DPYS: variants seen among roughly 807,000 people sequenced by gnomAD.
The protein encoded by DPYS is dihydropyrimidinase.
DPYS carries 39 observed loss-of-function variants against 50.3 expected under a neutral mutation model. The ratio of observed to expected loss-of-function variants is 0.78; its 90% CI spans 0.60 to 1.01. The LOEUF (loss-of-function observed/expected upper bound fraction) is 1.01, where lower values mean the gene tolerates loss of function less well. Ranked by LOEUF, DPYS falls within the 50% of genes least tolerant of loss-of-function variation. The pLI is 0.00. For synonymous variants in DPYS, 245 were observed against 250.7 expected, an observed-to-expected ratio of 0.98 and a Z score of 0.22; for missense variants, 659 against 680.9, an observed-to-expected ratio of 0.97 and a Z score of 0.36.
At chr8:104,381,463 AT>A (rs1811036153) in intron 8 of DPYS, 149 bp from the exon 9 acceptor site, 1 of 699,430 alleles carries the variant, frequency 1.4e-6, no homozygotes, top group Non-Finnish European at 2.5e-6. Context: ...TTTCACGGAA[AT>A]TCCTGGCAAC....
At chr8:104,392,077 C>T (rs758490535) in intron 8 of DPYS, among the ~76,000 whole-genome samples, 4 of 152,212 alleles carry the variant, frequency 2.6e-5, no homozygotes, top group Non-Finnish European at 5.9e-5. Context: ...GAATTTAGGT[C>T]TTCTCCAGCC....
intron 1 of DPYS, among the ~76,000 whole-genome samples, chr8:104,462,763 T>C (rs1814215948): frequency 6.6e-6 from 1 of 152,260 alleles, no homozygotes; most frequent in Non-Finnish European, 1.5e-5. Flanking sequence ...TTCAAATTTA[T>C]TGAATTCATA....
At chr8:104,386,423 C>T (rs533364700) in intron 8 of DPYS, among the ~76,000 whole-genome samples, 1 of 151,630 alleles carries the variant, frequency 6.6e-6, no homozygotes, top group Non-Finnish European at 1.5e-5. Context: ...GTCCCAGCTA[C>T]TTGGGAGGCT....
chr8:104,398,142 T>G (rs963147528), intron 7 of DPYS, among the ~76,000 whole-genome samples: 9 of 152,246 alleles, frequency 5.9e-5, no homozygotes, highest in African/African-American at 2.2e-4. Flanking sequence ...CAGACTTCTT[T>G]GCAGCTAGGG....
At chr8:104,450,253 C>T (rs1279897437) in intron 2 of DPYS, among the ~76,000 whole-genome samples, 1 of 152,038 alleles carries the variant, frequency 6.6e-6, no homozygotes, top group Non-Finnish European at 1.5e-5. Context: ...TCAGATGCAT[C>T]ACTAAAAATG....
At chr8:104,418,747 T>A (rs1812454059) in intron 7 of DPYS, 1 of 152,426 alleles carries the variant, frequency 6.6e-6, no homozygotes, top group South Asian at 2.1e-4. Context: ...CGATGACTGC[T>A]CTAACTCCAC....
intron 5 of DPYS, among the ~76,000 whole-genome samples, chr8:104,428,345 G>A (rs899562028): frequency 2.6e-5 from 4 of 152,188 alleles, no homozygotes; most frequent in Non-Finnish European, 5.9e-5. Context: ...TCCAAGATGG[G>A]TTAGGAAACC....
chr8:104,465,629 T>C (rs73293244), intron 1 of DPYS, among the ~76,000 whole-genome samples: 52,088 of 151,916 alleles, frequency 0.34, 9,779 homozygotes, highest in African/African-American at 0.5. Flanking sequence ...CTTTGGCTTC[T>C]CTTGTCTTGG....
At chr8:104,427,273 G>A (rs28410924) in intron 6 of DPYS, among the ~76,000 whole-genome samples, 90,138 of 148,032 alleles carry the variant, frequency 0.61, 28,565 homozygotes, top group Non-Finnish European at 0.71. Flanking sequence ...TAACGAATAC[G>A]CTTCGTGTAT....
intron 7 of DPYS, among the ~76,000 whole-genome samples, chr8:104,401,608 C>G (rs1345406738): frequency 2.6e-5 from 4 of 152,108 alleles, no homozygotes; most frequent in African/African-American, 4.8e-5. Flanking sequence ...GTTTCTTGGT[C>G]TGTTTTCTGT....
intron 6 of DPYS, among the ~76,000 whole-genome samples, chr8:104,426,827 T>A (rs554001348): frequency 6.6e-6 from 1 of 152,310 alleles, no homozygotes; most frequent in African/African-American, 2.4e-5. Flanking sequence ...GACATTTAAA[T>A]TTTTTTCCAG....
rs756733436 is a variant in DPYS, at chr8:104,427,974, AC to A, written c.1092+5del. ...GCAAAGCAAGGCTGGAACCTGTGAA[AC>A]CCACCACGCCTTTTTCCCATATTAC... On this transcript the variant is annotated splice_donor_5th_base_variant and intron_variant, in intron 6 of 9. Coordinates refer to ENST00000351513, the MANE Select transcript of DPYS (RefSeq NM_001385.3). 15 of 1,613,856 alleles carry A rather than the reference AC, an allele frequency of 9.3e-6. No homozygotes were observed. The highest frequency in any genetic ancestry group is 1.7e-5 in the Admixed American group (1 of 59,980).
intron 4 of DPYS, among the ~76,000 whole-genome samples, chr8:104,432,160 T>C (rs1353985237): frequency 1.3e-5 from 2 of 152,226 alleles, no homozygotes; most frequent in East Asian, 3.8e-4. Context: ...TCACATTAGG[T>C]TGTATCGTCT....
At chr8:104,424,057 C>T in intron 7 of DPYS, 190 bp downstream of exon 7, 1 of 984,380 alleles carries the variant, frequency 1.0e-6, no homozygotes. Flanking sequence ...TCTACATCCT[C>T]TATGCCAAGA....
chr8:104,401,047 A>T (rs1291316694), intron 7 of DPYS, among the ~76,000 whole-genome samples: 2 of 152,096 alleles, frequency 1.3e-5, no homozygotes, highest in East Asian at 3.9e-4. Context: ...GGTCTCCCCA[A>T]CCCCAGATAA....
At chr8:104,441,080 T>C (rs1287205117) in intron 4 of DPYS, among the ~76,000 whole-genome samples, 5 of 152,156 alleles carry the variant, frequency 3.3e-5, no homozygotes, top group African/African-American at 1.2e-4. Flanking sequence ...CTTGATCCCA[T>C]GCCTTGGTCA....
chr8:104,445,870 C>G (rs1316708922), intron 3 of DPYS, among the ~76,000 whole-genome samples: 3 of 151,936 alleles, frequency 2.0e-5, no homozygotes, highest in Non-Finnish European at 2.9e-5. Flanking sequence ...ACGGGGAAAC[C>G]CTGTCTCTAC....
chr8:104,453,834 T>G (rs60280883), intron 1 of DPYS, among the ~76,000 whole-genome samples: 5,707 of 152,296 alleles, frequency 0.037, 355 homozygotes, highest in African/African-American at 0.13. Context: ...ATCTAATAGA[T>G]TCATACAATG....
At chr8:104,435,268 G>A (rs1028062700) in intron 4 of DPYS, among the ~76,000 whole-genome samples, 3 of 152,120 alleles carry the variant, frequency 2.0e-5, no homozygotes, top group African/African-American at 7.2e-5. Context: ...TCAGGGGCTG[G>A]CAGACTGGAC....
Sources: gnomAD v4.1 joint callset for allele counts (sites outside exome capture counted in the v4.1 genomes callset) on GRCh38, gnomAD v4.1.1 for gene constraint, MANE v1.5 for transcripts, NCBI Gene and HGNC (gene_info 2026-07-23, HGNC 2026-07-21) for gene names.